The following SAP130 variants were observed in gnomAD, a reference collection of about 807,000 sequenced individuals.
SAP130 encodes Sin3A associated protein 130, also known as histone deacetylase complex subunit SAP130.
In SAP130, 16 loss-of-function variants were observed where a neutral mutation model predicts 103.2. The ratio of observed to expected loss-of-function variants is 0.16; its 90% CI spans 0.10 to 0.24. The LOEUF (loss-of-function observed/expected upper bound fraction) is 0.24, where lower values mean the gene tolerates loss of function less well. Ranked by LOEUF, SAP130 falls within the 10% of genes least tolerant of loss-of-function variation. The pLI is 1.00. For synonymous variants in SAP130, 477 were observed against 497.0 expected (o/e 0.96, Z 0.53); for missense variants, 990 against 1,359.7 (o/e 0.73, Z 4.28).
intron 6 of SAP130, among the ~76,000 whole-genome samples, chr2:128,011,918 T>C (rs775459382): frequency 1.3e-5 from 2 of 152,306 alleles, no homozygotes; most frequent in Admixed American, 1.3e-4. Context: ...ACTCAAGTGA[T>C]TCTCCCACCT....
intron 12 of SAP130, among the ~76,000 whole-genome samples, chr2:127,992,508 G>C (rs1402476952): frequency 6.6e-6 from 1 of 151,124 alleles, no homozygotes; most frequent in East Asian, 2.0e-4. Context: ...TCGAACTCCT[G>C]ACCTCAAGTG....
At chr2:128,014,973 G>A (rs576669102) in intron 4 of SAP130, 59 bp from the exon 5 acceptor site, 2 of 1,393,496 alleles carry the variant, frequency 1.4e-6, no homozygotes, top group Non-Finnish European at 2.0e-6. Flanking sequence ...ATTGCCTCTA[G>A]GAAGTCACCT....
In SAP130 at chr2:127,996,325, G is replaced by A. The variant is rs747306458; in HGVS notation, c.1355+25C>T. 6.4e-7 allele frequency: 1 copy of A among 1,568,118 alleles called. No individual in the cohort carries two copies. The highest frequency in any genetic ancestry group is 8.7e-7 in the Non-Finnish European group (1 of 1,155,932). On this transcript the variant is annotated intron_variant, in intron 11 of 20. Coordinates refer to ENST00000643581, the MANE Select transcript of SAP130 (RefSeq NM_001330301.2). The surrounding 1 kb of genome is among the most constrained non-coding windows in gnomAD (Gnocchi z 4.3). ...GAACGATTAATGACACAGTGAGGCA[G>A]AATAACTGACACACAGCCTCCTACC...
intron 15 of SAP130, among the ~76,000 whole-genome samples, chr2:127,958,630 A>T (rs1224940738): frequency 2.1e-5 from 3 of 140,836 alleles, no homozygotes; most frequent in Non-Finnish European, 4.6e-5. Context: ...TGAGAGTGAG[A>T]CAGATGAGAG....
chr2:127,954,161 A>C (rs1424408772), intron 16 of SAP130, among the ~76,000 whole-genome samples: 1 of 152,208 alleles, frequency 6.6e-6, no homozygotes, highest in East Asian at 1.9e-4. Context: ...CTTTTGAAGA[A>C]AGTGCCAAGG....
intron 10 of SAP130, among the ~76,000 whole-genome samples, chr2:127,998,107 C>CAA (rs546761761): frequency 1.1e-5 from 1 of 92,778 alleles, no homozygotes; most frequent in Non-Finnish European, 2.2e-5. Context: ...GACTCCATCT[C>CAA]AAAAAAAAAA....
In SAP130 at chr2:127,942,355, G is replaced by T; in HGVS notation, c.3015+69C>A. 1 of 1,200,028 alleles carries T rather than the reference G, an allele frequency of 8.3e-7. No individual in the cohort carries two copies. Among genetic ancestry groups the T allele is most frequent in the Non-Finnish European group, 1.2e-6 (1 of 808,378 alleles). 74.3% of individuals were successfully genotyped at this position (1,200,028 alleles called of 1,614,324 possible). ...ATATGAGGGAGACGGGGGGAAACGG[G>T]AGAAGTAGGGCTTTACAGAAAGCAA... On this transcript the variant is annotated intron_variant, in intron 20 of 20. Coordinates refer to ENST00000643581, the MANE Select transcript of SAP130 (RefSeq NM_001330301.2). The surrounding 1 kb of genome is among the most constrained non-coding windows in gnomAD (Gnocchi z 4.8).
At chr2:128,012,928 T>C in intron 6 of SAP130, 102 bp downstream of exon 6, 2 of 1,185,732 alleles carry the variant, frequency 1.7e-6, no homozygotes, top group Non-Finnish European at 1.1e-6. Context: ...CCCTATGTCT[T>C]GGCAACTAGA....
At chr2:128,025,512 A>G (rs1685440563) in intron 2 of SAP130, among the ~76,000 whole-genome samples, 1 of 152,196 alleles carries the variant, frequency 6.6e-6, no homozygotes, top group Admixed American at 6.5e-5. Context: ...TGGATGTTAA[A>G]TATTCAGGGG....
At chr2:127,979,561 T>C (rs553406294) in intron 14 of SAP130, among the ~76,000 whole-genome samples, 145 of 34,018 alleles carry the variant, frequency 4.3e-3, no homozygotes, top group Admixed American at 0.018. Flanking sequence ...TCACAATGTA[T>C]GCATCTTATC....
intron 5 of SAP130, among the ~76,000 whole-genome samples, chr2:128,013,784 T>C (rs1684566103): frequency 6.6e-6 from 1 of 152,208 alleles, no homozygotes; most frequent in Non-Finnish European, 1.5e-5. Flanking sequence ...AAATTAATCT[T>C]AGCCATGTGG....
At position 128,013,168 on chromosome 2, in the gene SAP130, AG is replaced by A. The variant is rs746841676; in HGVS notation, c.620-15del. 3.2e-6 allele frequency: 5 copies of A among 1,571,722 alleles called. No individual in the cohort carries two copies. In the African/African-American group the frequency reaches 5.5e-5, roughly 17 times the overall value. On this transcript the variant is annotated splice_polypyrimidine_tract_variant and intron_variant, in intron 5 of 20. Coordinates refer to ENST00000643581, the MANE Select transcript of SAP130 (RefSeq NM_001330301.2). The stretch of plus-strand genomic sequence containing the variant: ...CAGCAGCTGCACCTGAAAAAAAAAA[AG>A]TGTTTATTATATTTATTCTAGTTAT...
chr2:127,996,980 C>T lies in SAP130; in HGVS notation c.1214-489G>A, dbSNP rs1034419137. On this transcript the variant is annotated intron_variant, in intron 10 of 20. Coordinates refer to ENST00000643581, the MANE Select transcript of SAP130 (RefSeq NM_001330301.2). This position sits in a 1 kb window ranked among gnomAD's most constrained non-coding sequence, Gnocchi z 4.3. ...CGGAAAAAACAAACAAACAAAAAAC[C>T]TTGGATTCTACTCCAGGTCCATAAT... Among the ~76,000 whole-genome samples, 2 of 152,078 alleles carry T rather than the reference C, an allele frequency of 1.3e-5. No homozygotes were observed. The highest frequency in any genetic ancestry group is 3.9e-4 in the East Asian group (2 of 5,188).
At chr2:127,997,078 C>T (rs951720267) in intron 10 of SAP130, among the ~76,000 whole-genome samples, 1 of 152,126 alleles carries the variant, frequency 6.6e-6, no homozygotes, top group African/African-American at 2.4e-5. Context: ...TATAAGGACA[C>T]CTTCTCTAGA....
At chr2:128,013,818 C>T (rs1684568687) in intron 5 of SAP130, among the ~76,000 whole-genome samples, 1 of 152,164 alleles carries the variant, frequency 6.6e-6, no homozygotes, top group African/African-American at 2.4e-5. Context: ...TAGTCCCAGC[C>T]ACTCAGGAGG....
At chr2:127,974,721 G>C (rs555040462) in intron 15 of SAP130, among the ~76,000 whole-genome samples, 1 of 152,226 alleles carries the variant, frequency 6.6e-6, no homozygotes, top group South Asian at 2.1e-4. Flanking sequence ...GCTGAGGCAG[G>C]AGAATCGGTT....
intron 15 of SAP130, among the ~76,000 whole-genome samples, chr2:127,973,644 G>C (rs1488615579): frequency 6.6e-6 from 1 of 152,012 alleles, no homozygotes; most frequent in Admixed American, 6.5e-5. Context: ...TTTTTTTCCT[G>C]CTATTCTCAT....
intron 15 of SAP130, among the ~76,000 whole-genome samples, chr2:127,959,797 G>A (rs1439354580): frequency 6.6e-6 from 1 of 151,938 alleles, no homozygotes; most frequent in African/African-American, 2.4e-5. Context: ...CACTTGAAAT[G>A]AATCAAAAAG....
chr2:128,027,397 C>T, intron 1 of SAP130: 3 of 1,135,548 alleles, frequency 2.6e-6, no homozygotes, highest in Non-Finnish European at 3.2e-6. Flanking sequence ...ACGTTCAGAG[C>T]CCGCCCCACC....
Sources: allele counts gnomAD v4.1 joint callset (sites outside exome capture counted in the v4.1 genomes callset), GRCh38; gene constraint gnomAD v4.1.1; non-coding constraint Gnocchi (gnomAD v3.1); transcripts MANE v1.5; gene names NCBI Gene and HGNC (gene_info 2026-07-23, HGNC 2026-07-21).